Variants in TPM4 observed in about 807,000 individuals in gnomAD.
TPM4 encodes tropomyosin 4.
In TPM4, 17 loss-of-function variants were observed where a neutral mutation model predicts 35.8. The ratio of observed to expected loss-of-function variants is 0.47; its 90% CI spans 0.32 to 0.71. TPM4 has a LOEUF of 0.71. TPM4 is among the 30% of genes least tolerant of loss of function. TPM4 has a pLI of 0.03. For missense variants in TPM4, 240 were observed against 320.9 expected (o/e 0.75, Z 1.93); for synonymous variants, 120 against 122.9 (o/e 0.98, Z 0.15).
At chr19:16,080,892 C>T in intron 1 of TPM4, 1 of 396,454 alleles carries the variant, frequency 2.5e-6, no homozygotes, top group East Asian at 3.6e-5. Context: ...TTAATGCTTC[C>T]CATTGTACTT....
At chr19:16,083,876 G>A (rs1404250415) in intron 2 of TPM4, among the ~76,000 whole-genome samples, 4 of 149,960 alleles carry the variant, frequency 2.7e-5, no homozygotes, top group African/African-American at 7.4e-5. Context: ...CTCCCGCCAC[G>A]GCCTCCAGAG....
At chr19:16,078,814 A>C (rs997910405) in intron 1 of TPM4, among the ~76,000 whole-genome samples, 2 of 148,224 alleles carry the variant, frequency 1.3e-5, no homozygotes, top group African/African-American at 2.5e-5. Context: ...AAAAGGAACT[A>C]AGACCAGGGG....
At chr19:16,068,053 A>C in intron 2 of TPM4, 1 of 423,202 alleles carries the variant, frequency 2.4e-6, no homozygotes, top group Non-Finnish European at 4.3e-6. Flanking sequence ...TGTGTACTAG[A>C]TAGGGCGGTT....
chr19:16,092,727 C>T (rs934443557), intron 5 of TPM4, among the ~76,000 whole-genome samples: 11 of 152,052 alleles, frequency 7.2e-5, no homozygotes, highest in Non-Finnish European at 1.3e-4. Flanking sequence ...GTAAAGACAG[C>T]GTTTCGCCAT....
upstream of TPM4, chr19:16,074,649 C>T (rs2090387056): frequency 6.6e-6 from 1 of 152,298 alleles, no homozygotes; most frequent in African/African-American, 2.4e-5. Flanking sequence ...TGGGCTCAAA[C>T]CCTGTGCTGT....
At chr19:16,077,978 C>A in intron 1 of TPM4, 1 of 383,536 alleles carries the variant, frequency 2.6e-6, no homozygotes, top group Non-Finnish European at 4.6e-6. Context: ...TCTCACCATG[C>A]TGGCCAGGCT....
At position 16,070,796 on chromosome 19, in the gene TPM4, G is replaced by A. The variant is rs183986431; in HGVS notation, c.114+3058G>A. ...TGCCCTAAGAGTATGTGGCACATTCGTGCAGGCCAAGCCCCACCCCAGTGT... is the reference window on the plus strand; with the variant it reads ...TGCCCTAAGAGTATGTGGCACATTCATGCAGGCCAAGCCCCACCCCAGTGT... On this transcript the variant is annotated intron_variant, in intron 2 of 2. Transcript: ENST00000589897. This position sits in a 1 kb window ranked among gnomAD's most constrained non-coding sequence, Gnocchi z 7.4. Among the ~76,000 whole-genome samples the A allele has an allele frequency of 6.0e-5, 9 of 150,718 alleles. No homozygotes were observed. Among genetic ancestry groups the A allele is most frequent in the East Asian group, 3.9e-4 (2 of 5,108 alleles).
chr19:16,101,453 A>G lies in TPM4; in HGVS notation c.*107A>G. ...TATTGCCATCTTCGCTTTGCTGGAAATGTCAAGCAAATTATGAATACATGA... is the reference window on the plus strand; with the variant it reads ...TATTGCCATCTTCGCTTTGCTGGAAGTGTCAAGCAAATTATGAATACATGA... On this transcript the variant is annotated 3_prime_UTR_variant, in exon 8 of 8. Transcript: ENST00000643579. The G allele has an allele frequency of 1.3e-6, 1 of 784,542 alleles. No individual in the cohort carries two copies. Among genetic ancestry groups the G allele is most frequent in the Non-Finnish European group, 1.9e-6 (1 of 518,926 alleles). 48.6% of individuals were successfully genotyped at this position (784,542 alleles called of 1,614,324 possible).
upstream of TPM4, among the ~76,000 whole-genome samples, chr19:16,074,007 TAAAA>T (rs111848784): frequency 1.9e-5 from 2 of 107,082 alleles, no homozygotes; most frequent in Non-Finnish European, 3.7e-5. Context: ...AAGATCAGGT[TAAAA>T]AAAAAAAAGG....
In TPM4 at chr19:16,101,260, C is replaced by A. The variant is rs370589202; in HGVS notation, c.665-4C>A. 6.3e-7 allele frequency: 1 copy of A among 1,597,576 alleles called. No individual in the cohort carries two copies. The highest frequency in any genetic ancestry group is 8.5e-7 in the Non-Finnish European group (1 of 1,174,020). On this transcript the variant is annotated splice_region_variant and splice_polypyrimidine_tract_variant and intron_variant, in intron 7 of 7. Coordinates refer to ENST00000643579, the MANE Select transcript of TPM4 (RefSeq NM_003290.3). The stretch of plus-strand genomic sequence containing the variant: ...TCTTTCCCCATACTCTTAATCCTCA[C>A]CAGAGAAACTTGCCCAGGCCAAAGA...
chr19:16,096,933 A>G (rs1399184106), intron 7 of TPM4, among the ~76,000 whole-genome samples: 1 of 68,960 alleles, frequency 1.5e-5, no homozygotes, highest in Non-Finnish European at 3.1e-5. Flanking sequence ...AAACAAGGTC[A>G]CTCTTTTTTT....
At chr19:16,071,152 AC>A (rs1423790056) in intron 2 of TPM4, among the ~76,000 whole-genome samples, 1 of 152,182 alleles carries the variant, frequency 6.6e-6, no homozygotes, top group Non-Finnish European at 1.5e-5. Context: ...TTTCAGGCAA[AC>A]CTCCATAGAC....
At chr19:16,098,380 G>C (rs1266719083) in intron 7 of TPM4, among the ~76,000 whole-genome samples, 3 of 152,078 alleles carry the variant, frequency 2.0e-5, no homozygotes, top group Non-Finnish European at 2.9e-5. Context: ...CTGGGAGGCG[G>C]AGCTTGCTGT....
intron 7 of TPM4, chr19:16,095,362 C>T: frequency 9.7e-7 from 1 of 1,035,972 alleles, no homozygotes; most frequent in Admixed American, 5.7e-5. Flanking sequence ...AGCCAGGTCG[C>T]TGCCCTCTGT....
At chr19:16,086,211 A>G (rs1021273362) in intron 2 of TPM4, among the ~76,000 whole-genome samples, 1 of 151,926 alleles carries the variant, frequency 6.6e-6, no homozygotes, top group East Asian at 1.9e-4. Flanking sequence ...TTAGCCAGAC[A>G]TGGTGACGGG....
chr19:16,071,416 C>T (rs1005869117), intron 2 of TPM4, among the ~76,000 whole-genome samples: 1 of 152,152 alleles, frequency 6.6e-6, no homozygotes, highest in Non-Finnish European at 1.5e-5. Flanking sequence ...AACTCCTGGG[C>T]TCAAGTGATC....
intron 7 of TPM4, among the ~76,000 whole-genome samples, chr19:16,094,513 G>A (rs953147065): frequency 4.6e-5 from 7 of 151,204 alleles, no homozygotes; most frequent in Non-Finnish European, 1.0e-4. Context: ...TCCAGCCTGG[G>A]TGACAGAGCC....
chr19:16,090,900 C>T (rs554761043), intron 5 of TPM4, among the ~76,000 whole-genome samples: 22 of 149,104 alleles, frequency 1.5e-4, no homozygotes, highest in East Asian at 1.2e-3. Context: ...CTCCTGGCCT[C>T]GAGTGATCCA....
In TPM4 at chr19:16,102,748, T is replaced by C. The variant is rs2144971634; in HGVS notation, c.*1402T>C. The C allele has an allele frequency of 4.4e-6, 1 of 229,438 alleles. No individual in the cohort carries two copies. Among genetic ancestry groups the C allele is most frequent in the East Asian group, 6.2e-5 (1 of 16,130 alleles). 14.2% of individuals were successfully genotyped at this position (229,438 alleles called of 1,614,324 possible). The stretch of plus-strand genomic sequence containing the variant: ...CATCTCAGAGCTAGAACATTCCACA[T>C]TCCCCAGCAGCGTGTGGGGGCTGAC... On this transcript the variant is annotated 3_prime_UTR_variant, in exon 8 of 8. Transcript: ENST00000643579.
Sources: gnomAD v4.1 joint callset for allele counts (sites outside exome capture counted in the v4.1 genomes callset) on GRCh38, gnomAD v4.1.1 for gene constraint, Gnocchi (gnomAD v3.1) non-coding constraint, MANE v1.5 for transcripts, NCBI Gene and HGNC (gene_info 2026-07-23, HGNC 2026-07-21) for gene names.